ZNF254: variants seen among roughly 807,000 people sequenced by gnomAD.
The protein encoded by ZNF254 is CTD-2017D11.1.
ZNF254 carries 10 observed loss-of-function variants against 12.4 expected under a neutral mutation model. The ratio of observed to expected loss-of-function variants is 0.80; its 90% CI spans 0.50 to 1.36. The LOEUF is 1.36. ZNF254 is among the 40% of genes most tolerant of loss of function. ZNF254 has a pLI of 0.00. For missense variants in ZNF254, 996 were observed against 763.9 expected, an observed-to-expected ratio of 1.30 and a Z score of -3.58; for synonymous variants, 305 against 253.4, an observed-to-expected ratio of 1.20 and a Z score of -1.93.
In ZNF254 at chr19:24,128,743, A is replaced by T. The variant is rs1372017933; in HGVS notation, c.*763A>T. On this transcript the variant is annotated 3_prime_UTR_variant, in exon 4 of 4. Transcript: ENST00000357002. ...AATATCAGGGAATAATTCACAGTAG[A>T]AATATCTAGGGCATTCAAGCTTTAG... The T allele has an allele frequency of 1.3e-5, 2 of 152,128 alleles. No individual in the cohort carries two copies. Among genetic ancestry groups the T allele is most frequent in the African/African-American group, 4.8e-5 (2 of 41,466 alleles). The allele number at this position is 152,128 out of a possible 1,614,324, so 9.4% of individuals were successfully genotyped here. A position where few individuals can be genotyped will look rare whatever the true frequency, so the allele number is the denominator to read the frequency against.
At chr19:24,087,364 G>C (rs865791067) in intron 1 of ZNF254, 27 bp downstream of exon 1, 1 of 1,613,286 alleles carries the variant, frequency 6.2e-7, no homozygotes, top group Middle Eastern at 1.7e-4. Flanking sequence ...GACATCCCGA[G>C]AGAGGGGAGG....
intron 2 of ZNF254, among the ~76,000 whole-genome samples, chr19:24,049,214 A>ATATATATTTTT (rs1160333151): frequency 1.7e-4 from 7 of 40,866 alleles, no homozygotes; most frequent in East Asian, 9.4e-4. Flanking sequence ...ATATATATAT[A>ATATATATTTTT]TTTTTTTTTT....
chr19:24,126,519 G>C lies in ZNF254; in HGVS notation c.519G>C (p.Lys173Asn). 6.3e-7 allele frequency: 1 copy of C among 1,599,534 alleles called. No homozygotes were observed. Among genetic ancestry groups the C allele is most frequent in the East Asian group, 2.2e-5 (1 of 44,768 alleles). ...AATTTTTAAATTCAAACAGACCTAA[G>C]ATAAGACATACTGAAAAGAAATCTT... is the stretch of plus-strand genomic sequence containing the variant. Reference protein sequence around the residue: ...FYKFLNSNRPKIRHTEKKSFK... With the variant: ...FYKFLNSNRPNIRHTEKKSFK... Residue 173 changes from lysine (K) to asparagine (N), a missense_variant, in exon 4 of 4, where the codon AAG becomes AAC. Physicochemically the swap from Lys to Asn is moderately conservative, Grantham distance 94. Coordinates refer to ENST00000357002, the MANE Select transcript of ZNF254 (RefSeq NM_203282.4).
chr19:24,078,282 C>T (rs755470027), intron 2 of ZNF254, among the ~76,000 whole-genome samples: 6 of 152,166 alleles, frequency 3.9e-5, no homozygotes, highest in Non-Finnish European at 7.3e-5. Context: ...ACCTGATTTG[C>T]CCACTTCGGC....
chr19:24,110,653 C>G (rs1192802577), intron 3 of ZNF254, among the ~76,000 whole-genome samples: 1 of 152,046 alleles, frequency 6.6e-6, no homozygotes, highest in Non-Finnish European at 1.5e-5. Context: ...TCTTGTAAAA[C>G]TAAAACTCAA....
chr19:24,053,012 G>A (rs1970706519), intron 2 of ZNF254, among the ~76,000 whole-genome samples: 1 of 152,146 alleles, frequency 6.6e-6, no homozygotes, highest in African/African-American at 2.4e-5. Flanking sequence ...AGCACACAGG[G>A]GAGGTTGCGA....
intron 3 of ZNF254, among the ~76,000 whole-genome samples, chr19:24,124,333 A>G (rs1974686293): frequency 6.6e-6 from 1 of 152,034 alleles, no homozygotes; most frequent in South Asian, 2.1e-4. Flanking sequence ...AATGTTTTCT[A>G]TGCTTTTATC....
intron 2 of ZNF254, chr19:24,066,935 A>T (rs982049514): frequency 6.6e-6 from 1 of 151,846 alleles, no homozygotes; most frequent in African/African-American, 2.4e-5. Flanking sequence ...AAAAATACAA[A>T]TGTCTTTGCA....
intron 1 of ZNF254, among the ~76,000 whole-genome samples, chr19:24,045,718 G>A (rs116320096): frequency 0.015 from 2,217 of 150,534 alleles, 57 homozygotes; most frequent in African/African-American, 0.051. Flanking sequence ...GGGGCCGAGA[G>A]AATTTTGAGC....
At chr19:24,119,204 T>G (rs1410483754) in intron 3 of ZNF254, among the ~76,000 whole-genome samples, 3 of 152,144 alleles carry the variant, frequency 2.0e-5, no homozygotes, top group Middle Eastern at 3.4e-3. Flanking sequence ...ATTTTTTATT[T>G]TTTTTGAGAT....
At chr19:24,094,110 CACTT>C in intron 1 of ZNF254, among the ~76,000 whole-genome samples, 1 of 152,248 alleles carries the variant, frequency 6.6e-6, no homozygotes, top group Admixed American at 6.5e-5. Context: ...AATTTTTGTA[CACTT>C]ACTTTGTATC....
chr19:24,046,385 A>ATTTATATATATATT (rs1568424607), intron 2 of ZNF254: 1 of 96,726 alleles, frequency 1.0e-5, no homozygotes, highest in African/African-American at 3.8e-5. Context: ...ATATATATAT[A>ATTTATATATATATT]TATATATATA....
intron 3 of ZNF254, among the ~76,000 whole-genome samples, chr19:24,117,526 C>A (rs1029609936): frequency 2.6e-5 from 4 of 152,140 alleles, no homozygotes; most frequent in East Asian, 3.9e-4. Flanking sequence ...TGCTGTTGTG[C>A]GGTTATTTAA....
chr19:24,128,590 A>G lies in ZNF254; in HGVS notation c.*610A>G, dbSNP rs1204205844. The G allele has an allele frequency of 1.3e-5, 2 of 152,162 alleles. No individual in the cohort carries two copies. Among genetic ancestry groups the G allele is most frequent in the African/African-American group, 2.4e-5 (1 of 41,460 alleles). The allele number at this position is 152,162 out of a possible 1,614,324, so 9.4% of individuals were successfully genotyped here. A position where few individuals can be genotyped will look rare whatever the true frequency, so the allele number is the denominator to read the frequency against. On this transcript the variant is annotated 3_prime_UTR_variant, in exon 4 of 4. Transcript: ENST00000357002. Reference sequence around the variant, plus strand: ...GGGAGTTTAAGAAAACCCTGCAAGTATAATGAATTTGGAAAAACATTTTTT... The same window carrying G: ...GGGAGTTTAAGAAAACCCTGCAAGTGTAATGAATTTGGAAAAACATTTTTT...
At chr19:24,125,304 C>T (rs773639970) in intron 3 of ZNF254, among the ~76,000 whole-genome samples, 11 of 134,000 alleles carry the variant, frequency 8.2e-5, no homozygotes, top group Non-Finnish European at 1.6e-4. Flanking sequence ...GATATCTTAA[C>T]TATTTTTTAT....
At chr19:24,055,894 T>C (rs1466663071) in intron 2 of ZNF254, among the ~76,000 whole-genome samples, 1 of 152,184 alleles carries the variant, frequency 6.6e-6, no homozygotes, top group Non-Finnish European at 1.5e-5. Context: ...GTTAACCTCC[T>C]TTACCTAAAA....
chr19:24,106,240 A>G, intron 2 of ZNF254, 174 bp downstream of exon 2: 1 of 878,124 alleles, frequency 1.1e-6, no homozygotes, highest in South Asian at 1.8e-5. Flanking sequence ...AACTTTCCAC[A>G]TTCCTGAGCT....
intron 1 of ZNF254, among the ~76,000 whole-genome samples, chr19:24,100,229 T>TAA (rs1224698997): frequency 6.6e-6 from 1 of 151,952 alleles, no homozygotes; most frequent in Non-Finnish European, 1.5e-5. Flanking sequence ...CTAATCAGAG[T>TAA]AACAGTGTGC....
rs1599782345 is a variant in ZNF254 at position 24,128,931 on chromosome 19, G to T, written c.*951G>T. On this transcript the variant is annotated 3_prime_UTR_variant, in exon 4 of 4. Transcript: ENST00000357002. ...GATTTTTTTTAAAAGTGAATAATGT[G>T]TTCAACTCTTAAATTCATGCTGTTT... 1 of 151,886 alleles carries T rather than the reference G, an allele frequency of 6.6e-6. No individual in the cohort carries two copies. Among genetic ancestry groups the T allele is most frequent in the Admixed American group, 6.6e-5 (1 of 15,258 alleles). 9.4% of individuals were successfully genotyped at this position (151,886 alleles called of 1,614,324 possible). A position where few individuals can be genotyped will look rare whatever the true frequency, so the allele number is the denominator to read the frequency against.
Sources: allele counts gnomAD v4.1 joint callset (sites outside exome capture counted in the v4.1 genomes callset), GRCh38; gene constraint gnomAD v4.1.1; transcripts MANE v1.5; gene names NCBI Gene and HGNC (gene_info 2026-07-23, HGNC 2026-07-21).